UTS2B: variants seen among roughly 807,000 people sequenced by gnomAD.
UTS2B encodes urotensin 2B.
Under a neutral mutation model 19.2 loss-of-function variants are expected in UTS2B, and 21 were observed. The ratio of observed to expected loss-of-function variants is 1.09; its 90% confidence interval spans 0.78 to 1.58. The LOEUF is 1.58. UTS2B is among the 40% of genes most tolerant of loss of function. The pLI is 0.00. For synonymous variants in UTS2B, 57 were observed against 50.2 expected (o/e 1.14, Z -0.58); for missense variants, 138 against 130.3 (o/e 1.06, Z -0.29).
At chr3:191,325,922 CTG>C (rs1341926822) in intron 2 of UTS2B, among the ~76,000 whole-genome samples, 1 of 152,190 alleles carries the variant, frequency 6.6e-6, no homozygotes, top group African/African-American at 2.4e-5. Flanking sequence ...GCCATTCAGT[CTG>C]TGGTATTTTG....
At chr3:191,337,079 C>T in the UTS2B span, among the ~76,000 whole-genome samples, 4 of 151,978 alleles carry the variant, frequency 2.6e-5, no homozygotes, top group Non-Finnish European at 5.9e-5. Context: ...TCTTTGTCTG[C>T]TTACATACTG....
intron 4 of UTS2B, among the ~76,000 whole-genome samples, chr3:191,298,232 C>CAA (rs141361481): frequency 2.6e-5 from 4 of 151,524 alleles, no homozygotes; most frequent in Admixed American, 1.3e-4. Context: ...CATTGAATTC[C>CAA]AAAAAAAACA....
chr3:191,276,689 C>G, intron 7 of UTS2B, 118 bp downstream of exon 7: 5 of 825,072 alleles, frequency 6.1e-6, no homozygotes, highest in Non-Finnish European at 7.3e-6. Flanking sequence ...CTTTGTTTAG[C>G]AGGAATAAAA....
At chr3:191,281,278 G>A (rs1344208625) in intron 5 of UTS2B, among the ~76,000 whole-genome samples, 3 of 152,122 alleles carry the variant, frequency 2.0e-5, no homozygotes, top group African/African-American at 7.2e-5. Context: ...GCTGGAAAAG[G>A]TATTAGAGAA....
the UTS2B span, among the ~76,000 whole-genome samples, chr3:191,344,093 A>G: frequency 6.6e-6 from 1 of 152,250 alleles, no homozygotes. Flanking sequence ...AATATACTCA[A>G]GACCCTTGGA....
intron 2 of UTS2B, among the ~76,000 whole-genome samples, chr3:191,327,564 T>C (rs1488991220): frequency 6.6e-6 from 1 of 152,210 alleles, no homozygotes; most frequent in African/African-American, 2.4e-5. Context: ...ACAGGCCCTG[T>C]AGTCATAGAG....
At chr3:191,327,960 C>T (rs944023731) in intron 2 of UTS2B, among the ~76,000 whole-genome samples, 5 of 152,164 alleles carry the variant, frequency 3.3e-5, no homozygotes, top group Non-Finnish European at 7.3e-5. Context: ...GTAAACTTTT[C>T]CTGTAAAGCA....
At chr3:191,337,301 G>A in the UTS2B span, among the ~76,000 whole-genome samples, 1 of 152,104 alleles carries the variant, frequency 6.6e-6, no homozygotes, top group South Asian at 2.1e-4. Context: ...ATATAATGAT[G>A]CCCTTGGGAA....
At chr3:191,288,102 GACA>G (rs1284186041) in intron 4 of UTS2B, among the ~76,000 whole-genome samples, 2 of 152,042 alleles carry the variant, frequency 1.3e-5, no homozygotes, top group Admixed American at 6.6e-5. Context: ...CCTGTATACT[GACA>G]ACAACAAAAC....
At chr3:191,306,618 G>C (rs1343524942) in intron 3 of UTS2B, among the ~76,000 whole-genome samples, 2 of 152,148 alleles carry the variant, frequency 1.3e-5, no homozygotes, top group African/African-American at 4.8e-5. Context: ...GAGAGGAATG[G>C]TAACTAGGGG....
chr3:191,283,048 C>T (rs1412882604), intron 4 of UTS2B, among the ~76,000 whole-genome samples: 1 of 152,162 alleles, frequency 6.6e-6, no homozygotes, highest in African/African-American at 2.4e-5. Context: ...TCCCAAAAGA[C>T]TTTGGATGTA....
In UTS2B at chr3:191,302,402, GCAGCCCTC is replaced by G. The variant is rs1576926804; in HGVS notation, c.-125+2082_-125+2089del. Among the ~76,000 whole-genome samples the G allele has an allele frequency of 3.3e-5, 5 of 152,140 alleles. No homozygotes were observed. In the East Asian group the frequency reaches 9.6e-4, roughly 29 times the overall value. On this transcript the variant is annotated intron_variant, in intron 4 of 8. Coordinates refer to ENST00000340524, the MANE Select transcript of UTS2B (RefSeq NM_198152.5). The stretch of plus-strand genomic sequence containing the variant: ...AAATAACCATAAACACAGCCAACCA[GCAGCCCTC>G]AGGGCTGCTCAGCCTATGGAGTAGC...
intron 7 of UTS2B, among the ~76,000 whole-genome samples, chr3:191,275,751 GA>G (rs1019663716): frequency 4.6e-5 from 6 of 131,534 alleles, no homozygotes; most frequent in Admixed American, 3.0e-4. Flanking sequence ...TAAAAAGAAA[GA>G]AAAAAAAAGA....
chr3:191,273,158 ACT>A (rs1716136757), intron 8 of UTS2B, among the ~76,000 whole-genome samples: 2 of 152,252 alleles, frequency 1.3e-5, no homozygotes, highest in African/African-American at 4.8e-5. Flanking sequence ...ACAGAGCGAG[ACT>A]CCGTCTCAAA....
intron 2 of UTS2B, among the ~76,000 whole-genome samples, chr3:191,321,165 A>G (rs1056321315): frequency 3.9e-5 from 6 of 152,190 alleles, no homozygotes; most frequent in Non-Finnish European, 7.4e-5. Flanking sequence ...CAGAAACACT[A>G]AAGACTATGA....
intron 4 of UTS2B, among the ~76,000 whole-genome samples, chr3:191,284,934 G>A (rs1160442246): frequency 6.6e-6 from 1 of 152,106 alleles, no homozygotes; most frequent in East Asian, 1.9e-4. Context: ...TACAAGAAAT[G>A]CTAAAGGGAG....
rs144839541 is a variant in UTS2B at position 191,272,810 on chromosome 3, G to A, written c.334+2442C>T. On this transcript the variant is annotated intron_variant, in intron 8 of 8. Coordinates refer to ENST00000340524, the MANE Select transcript of UTS2B (RefSeq NM_198152.5). ...CAAAAGGCGAAGGTTGCAGTGAGCC[G>A]AGGTAGCGTGCCATTGCACTCCAGC... Among the ~76,000 whole-genome samples, 411 of 150,034 alleles carry A rather than the reference G, an allele frequency of 2.7e-3. 4 individuals carry two copies. The highest frequency in any genetic ancestry group is 0.026 in the South Asian group (124 of 4,760).
At chr3:191,336,698 A>G in the UTS2B span, among the ~76,000 whole-genome samples, 1 of 152,188 alleles carries the variant, frequency 6.6e-6, no homozygotes, top group African/African-American at 2.4e-5. Context: ...GGTTTCAGGA[A>G]TCTGTAGTTT....
At chr3:191,323,961 C>T (rs1048913426) in intron 2 of UTS2B, among the ~76,000 whole-genome samples, 10 of 152,128 alleles carry the variant, frequency 6.6e-5, no homozygotes, top group South Asian at 4.1e-4. Flanking sequence ...GGAGATGGTG[C>T]GATGGCTTGA....
Sources: gnomAD v4.1 joint callset for allele counts (sites outside exome capture counted in the v4.1 genomes callset) on GRCh38, gnomAD v4.1.1 for gene constraint, MANE v1.5 for transcripts, NCBI Gene and HGNC (gene_info 2026-07-23, HGNC 2026-07-21) for gene names.